The following ALDH2 variants were observed in gnomAD, a reference collection of about 807,000 sequenced individuals.
ALDH2 encodes the protein aldehyde dehydrogenase, mitochondrial.
In ALDH2, 44 loss-of-function variants were observed where a neutral mutation model predicts 59.6. That is an observed-to-expected ratio of 0.74 (90% CI 0.58 to 0.95). The LOEUF is 0.95. Ranked by LOEUF, ALDH2 falls within the 40% of genes least tolerant of loss-of-function variation. The probability of loss-of-function intolerance (pLI) is 0.00; values close to 1 mark genes in which losing one functional copy is unlikely to be tolerated. For missense variants in ALDH2, 570 were observed against 696.3 expected (o/e 0.82, Z 2.04); for synonymous variants, 291 against 284.0 (o/e 1.02, Z -0.25).
chr12:111,775,248 G>C (rs1241047289), intron 1 of ALDH2, among the ~76,000 whole-genome samples: 1 of 152,168 alleles, frequency 6.6e-6, no homozygotes, highest in Non-Finnish European at 1.5e-5. Flanking sequence ...GCACACAGCA[G>C]GTAGAATCGC....
chr12:111,791,372 G>T lies in ALDH2; in HGVS notation c.748G>T (p.Ala250Ser). 1 of 1,614,158 alleles carries T rather than the reference G, an allele frequency of 6.2e-7. No homozygotes were observed. The highest frequency in any genetic ancestry group is 8.5e-7 in the Non-Finnish European group (1 of 1,180,002). Residue 250 changes from alanine to serine, a missense_variant, in exon 7 of 13, where the codon GCC (alanine) becomes TCC (serine). Transcript: ENST00000261733. ...TGGCCCCACGGCTGGGGCCGCCATT[G>T]CCTCCCATGAGGATGTGGACAAAGT... Reference protein sequence around the residue: ...GFGPTAGAAIASHEDVDKVAF... With the variant: ...GFGPTAGAAISSHEDVDKVAF...
At chr12:111,793,774 C>T (rs534621858) in intron 9 of ALDH2, among the ~76,000 whole-genome samples, 1 of 151,552 alleles carries the variant, frequency 6.6e-6, no homozygotes, top group East Asian at 2.0e-4. Context: ...TTAGTAGAGA[C>T]AGGGTTTCAC....
chr12:111,804,999 G>C (rs1293540133), intron 12 of ALDH2, among the ~76,000 whole-genome samples: 1 of 152,070 alleles, frequency 6.6e-6, no homozygotes, highest in Admixed American at 6.6e-5. Flanking sequence ...ATCTCTAAGA[G>C]GGGAAAATCA....
In ALDH2 at chr12:111,798,162, A is replaced by T; in HGVS notation, c.1168A>T (p.Ile390Phe). Residue 390 changes from isoleucine (I) to phenylalanine (F), a missense_variant, in exon 10 of 13, where the codon ATT (isoleucine) becomes TTT (phenylalanine). Physicochemically the swap from Ile to Phe is conservative, Grantham distance 21 (BLOSUM62 0). Coordinates refer to ENST00000261733, the MANE Select transcript of ALDH2 (RefSeq NM_000690.4). The stretch of plus-strand genomic sequence containing the variant: ...GGCGAAGCTGCTGTGTGGTGGGGGC[A>T]TTGCTGCTGACCGTGGTTACTTCAT... ...EGAKLLCGGG[I>F]AADRGYFIQP... 1 of 1,612,338 alleles carries T rather than the reference A, an allele frequency of 6.2e-7. No individual in the cohort carries two copies. Among genetic ancestry groups the T allele is most frequent in the South Asian group, 1.1e-5 (1 of 90,798 alleles).
chr12:111,795,183 A>G (rs982853056), intron 9 of ALDH2, among the ~76,000 whole-genome samples: 10 of 152,194 alleles, frequency 6.6e-5, no homozygotes, highest in African/African-American at 2.2e-4. Flanking sequence ...GTAATATTCC[A>G]TTGTGTGAAT....
rs960612603 is a variant in ALDH2, at chr12:111,792,767, C to G, written c.1068C>G (p.Thr356=). The change falls in exon 9 of 13, where the codon ACC becomes ACG. Residue 356 remains threonine, a synonymous_variant. Coordinates refer to ENST00000261733, the MANE Select transcript of ALDH2 (RefSeq NM_000690.4). The stretch of plus-strand genomic sequence containing the variant: ...TCGGGAACCCCTTTGATAGCAAGAC[C>G]GAGCAGGGGCCGCAGGTGAGCCAGG... ...RVVGNPFDSK[T]EQGPQVDETQ... 1 of 1,551,786 alleles carries G rather than the reference C, an allele frequency of 6.4e-7. No individual in the cohort carries two copies. The highest frequency in any genetic ancestry group is 8.7e-7 in the Non-Finnish European group (1 of 1,148,726).
intron 1 of ALDH2, among the ~76,000 whole-genome samples, chr12:111,778,494 G>A (rs778064550): frequency 5.3e-5 from 8 of 150,550 alleles, no homozygotes; most frequent in Non-Finnish European, 1.0e-4. Context: ...GCAGTGAGCC[G>A]GGATCGCTCC....
chr12:111,770,066 C>G (rs2068187743), intron 1 of ALDH2, among the ~76,000 whole-genome samples: 1 of 151,770 alleles, frequency 6.6e-6, no homozygotes. Context: ...ATCACTTGAA[C>G]CTGGGAGGCA....
At chr12:111,774,605 T>A (rs1192766892) in intron 1 of ALDH2, among the ~76,000 whole-genome samples, 1 of 152,168 alleles carries the variant, frequency 6.6e-6, no homozygotes, top group Non-Finnish European at 1.5e-5. Flanking sequence ...AAATCAGAAC[T>A]ACTGAACACA....
chr12:111,792,682 A>G lies in ALDH2; in HGVS notation c.983A>G (p.Gln328Arg). ...TGTGCCGGCTCCCGGACCTTCGTGC[A>G]GGAGGACATCTATGATGAGTTTGTG... ...CCCAGSRTFV[Q>R]EDIYDEFVER... Residue 328 changes from glutamine to arginine, a missense_variant, in exon 9 of 13, where the codon CAG (glutamine) becomes CGG (arginine). Physicochemically the swap from Gln to Arg is conservative, Grantham distance 43. Coordinates refer to ENST00000261733, the MANE Select transcript of ALDH2 (RefSeq NM_000690.4). 6.2e-7 allele frequency: 1 copy of G among 1,608,764 alleles called. No individual in the cohort carries two copies. Among genetic ancestry groups the G allele is most frequent in the Non-Finnish European group, 8.5e-7 (1 of 1,178,004 alleles).
chr12:111,783,776 C>T (rs953240344), intron 3 of ALDH2, among the ~76,000 whole-genome samples: 2 of 152,192 alleles, frequency 1.3e-5, no homozygotes, highest in Non-Finnish European at 2.9e-5. Context: ...TCCCAAAGTG[C>T]TGGGATTACA....
At chr12:111,786,741 C>T (rs1046415529) in intron 4 of ALDH2, among the ~76,000 whole-genome samples, 21 of 151,814 alleles carry the variant, frequency 1.4e-4, no homozygotes, top group Admixed American at 1.3e-4. Context: ...AGACGGGGGT[C>T]TTGCTATGTT....
At chr12:111,800,181 T>C in intron 11 of ALDH2, 118 bp downstream of exon 11, 1 of 1,293,960 alleles carries the variant, frequency 7.7e-7, no homozygotes, top group Non-Finnish European at 1.0e-6. Context: ...TTCTCCTGGG[T>C]CAGGGTGTGA....
At chr12:111,785,971 C>T (rs941226944) in intron 4 of ALDH2, among the ~76,000 whole-genome samples, 2 of 152,118 alleles carry the variant, frequency 1.3e-5, no homozygotes, top group African/African-American at 4.8e-5. Flanking sequence ...CTCTTATAAT[C>T]CTTTTTATCT....
At chr12:111,809,454 C>G in intron 12 of ALDH2, 89 bp from the exon 13 acceptor site, 1 of 1,441,798 alleles carries the variant, frequency 6.9e-7, no homozygotes, top group Non-Finnish European at 9.7e-7. Context: ...AAAGCCCTTT[C>G]TGCTCACACT....
At chr12:111,785,412 G>A (rs993866538) in intron 4 of ALDH2, 66 bp downstream of exon 4, 1 of 1,428,134 alleles carries the variant, frequency 7.0e-7, no homozygotes, top group African/African-American at 1.4e-5. Flanking sequence ...TTGTTAGGAG[G>A]TAAAAATTAA....
At chr12:111,796,896 C>T (rs2068408570) in intron 9 of ALDH2, among the ~76,000 whole-genome samples, 1 of 151,532 alleles carries the variant, frequency 6.6e-6, no homozygotes, top group South Asian at 2.1e-4. Context: ...TAGAGTGAGA[C>T]CCTGTCGCCC....
intron 4 of ALDH2, among the ~76,000 whole-genome samples, chr12:111,789,060 C>G (rs576865946): frequency 1.4e-5 from 2 of 147,022 alleles, no homozygotes; most frequent in South Asian, 4.4e-4. Flanking sequence ...CTCTGTTGCC[C>G]AGGCTGGAGT....
chr12:111,797,794 T>C (rs2068417200), intron 9 of ALDH2, among the ~76,000 whole-genome samples: 1 of 152,218 alleles, frequency 6.6e-6, no homozygotes, highest in South Asian at 2.1e-4. Flanking sequence ...TAACAGTATA[T>C]GTAACGGTCT....
Sources: gnomAD v4.1 joint callset for allele counts (sites outside exome capture counted in the v4.1 genomes callset) on GRCh38, gnomAD v4.1.1 for gene constraint, MANE v1.5 for transcripts, NCBI Gene and HGNC (gene_info 2026-07-23, HGNC 2026-07-21) for gene names.